The following MARCHF8 variants were observed in gnomAD, a reference collection of about 807,000 sequenced individuals.
MARCHF8 encodes E3 ubiquitin-protein ligase MARCHF8.
In MARCHF8, 40 loss-of-function variants were observed where a neutral mutation model predicts 51.6. That is an observed-to-expected ratio of 0.77 (90% CI 0.60 to 1.01). The LOEUF (loss-of-function observed/expected upper bound fraction) is 1.01. MARCHF8 is among the 50% of genes least tolerant of loss of function. The probability of loss-of-function intolerance (pLI) is 0.00; values close to 1 mark genes in which losing one functional copy is unlikely to be tolerated. For synonymous variants in MARCHF8, 263 were observed against 280.3 expected, an observed-to-expected ratio of 0.94 and a Z score of 0.62; for missense variants, 685 against 708.6, an observed-to-expected ratio of 0.97 and a Z score of 0.38.
intron 1 of MARCHF8, among the ~76,000 whole-genome samples, chr10:45,593,991 G>C (rs531646597): frequency 6.6e-6 from 1 of 152,140 alleles, no homozygotes; most frequent in African/African-American, 2.4e-5. Context: ...GTGATAGTGA[G>C]GCAGAAAAGG....
chr10:45,499,486 G>T (rs1362210838), intron 2 of MARCHF8, among the ~76,000 whole-genome samples: 2 of 151,986 alleles, frequency 1.3e-5, no homozygotes, highest in African/African-American at 4.8e-5. Context: ...TGCTTTTGGT[G>T]TCATATCCAA....
At chr10:45,489,102 G>C (rs1589112149) in intron 3 of MARCHF8, among the ~76,000 whole-genome samples, 2 of 152,246 alleles carry the variant, frequency 1.3e-5, no homozygotes, top group East Asian at 1.9e-4. Context: ...TCCTGTGCCT[G>C]AGATTTCTTC....
At chr10:45,518,666 C>A (rs2043658073) in intron 2 of MARCHF8, among the ~76,000 whole-genome samples, 1 of 152,224 alleles carries the variant, frequency 6.6e-6, no homozygotes, top group Admixed American at 6.5e-5. Context: ...GCTTCCTCAA[C>A]TCCTAACAGA....
At chr10:45,566,627 T>A (rs1454874296) in intron 1 of MARCHF8, among the ~76,000 whole-genome samples, 1 of 152,206 alleles carries the variant, frequency 6.6e-6, no homozygotes, top group Non-Finnish European at 1.5e-5. Context: ...AGCTGAATAG[T>A]AAGTACTCCA....
chr10:45,530,582 G>C (rs2043861718), intron 2 of MARCHF8, among the ~76,000 whole-genome samples: 1 of 152,124 alleles, frequency 6.6e-6, no homozygotes, highest in African/African-American at 2.4e-5. Context: ...AGGAGTTTGA[G>C]ACCAGCCTGG....
chr10:45,578,618 T>G (rs969638381), intron 1 of MARCHF8, among the ~76,000 whole-genome samples: 1 of 152,168 alleles, frequency 6.6e-6, no homozygotes, highest in South Asian at 2.1e-4. Flanking sequence ...TGTCAACAAA[T>G]ATTAACTTCA....
At position 45,545,062 on chromosome 10, in the gene MARCHF8, TCTGACCATC is replaced by T. The variant is rs535707190; in HGVS notation, c.-78-11782_-78-11774del. Among the ~76,000 whole-genome samples the T allele has an allele frequency of 1.2e-4, 18 of 152,310 alleles. No homozygotes were observed. In the East Asian group the frequency reaches 3.3e-3, roughly 28 times the overall value. ...GGGCTAACTAACTCTTCCTCAACCA[TCTGACCATC>T]CTGACAGAGGAAATTCCACATTCAT... On this transcript the variant is annotated intron_variant, in intron 1 of 6. Transcript: ENST00000319836.
At chr10:45,488,173 TC>T (rs1441699733) in intron 3 of MARCHF8, among the ~76,000 whole-genome samples, 2 of 152,120 alleles carry the variant, frequency 1.3e-5, no homozygotes, top group Non-Finnish European at 2.9e-5. Flanking sequence ...GATGGCTGAT[TC>T]ACTTCCCAAG....
At chr10:45,461,995 T>C (rs1220269887) in intron 5 of MARCHF8, 1 of 152,210 alleles carries the variant, frequency 6.6e-6, no homozygotes. Flanking sequence ...GGACCACTAA[T>C]AGCAATAAGT....
At chr10:45,507,182 T>C (rs2043401242) in intron 2 of MARCHF8, among the ~76,000 whole-genome samples, 1 of 152,146 alleles carries the variant, frequency 6.6e-6, no homozygotes, top group Admixed American at 6.5e-5. Context: ...ACTAGAACAA[T>C]GGTGGCAGGC....
At chr10:45,480,474 G>A (rs890027393) in intron 3 of MARCHF8, among the ~76,000 whole-genome samples, 5 of 151,056 alleles carry the variant, frequency 3.3e-5, no homozygotes, top group Non-Finnish European at 7.4e-5. Context: ...CAGAGGACTA[G>A]GAGGAAAAAA....
intron 2 of MARCHF8, among the ~76,000 whole-genome samples, chr10:45,518,979 A>G (rs2043663755): frequency 6.6e-6 from 1 of 152,226 alleles, no homozygotes. Context: ...GTGTTACAAA[A>G]GAAGTAACAA....
intron 3 of MARCHF8, among the ~76,000 whole-genome samples, chr10:45,468,368 C>G (rs1471483836): frequency 1.3e-5 from 2 of 152,238 alleles, no homozygotes; most frequent in Non-Finnish European, 2.9e-5. Context: ...AGCGCACCTT[C>G]CTTGGCCTCT....
chr10:45,489,968 C>A (rs2043053511), intron 2 of MARCHF8, among the ~76,000 whole-genome samples: 1 of 152,216 alleles, frequency 6.6e-6, no homozygotes, highest in Non-Finnish European at 1.5e-5. Flanking sequence ...GCAGGGAAAT[C>A]TGGGAGCCAT....
At chr10:45,489,134 C>G (rs532820820) in intron 3 of MARCHF8, among the ~76,000 whole-genome samples, 2 of 152,252 alleles carry the variant, frequency 1.3e-5, no homozygotes, top group African/African-American at 4.8e-5. Flanking sequence ...ATATGGTTTT[C>G]TGGAAAAAAT....
At chr10:45,568,738 AC>A (rs1412551990) in intron 1 of MARCHF8, among the ~76,000 whole-genome samples, 13 of 134,310 alleles carry the variant, frequency 9.7e-5, no homozygotes, top group African/African-American at 3.3e-4. Context: ...AAAAAAAAAA[AC>A]CACTAACACT....
At chr10:45,479,971 T>C (rs949167913) in intron 3 of MARCHF8, among the ~76,000 whole-genome samples, 1 of 152,216 alleles carries the variant, frequency 6.6e-6, no homozygotes, top group Non-Finnish European at 1.5e-5. Context: ...CCTAGACATT[T>C]GTTGAATGGC....
At chr10:45,530,927 T>C (rs2043871281) in intron 2 of MARCHF8, among the ~76,000 whole-genome samples, 1 of 152,032 alleles carries the variant, frequency 6.6e-6, no homozygotes, top group African/African-American at 2.4e-5. Flanking sequence ...AAAAGTTGCA[T>C]AGAGACATGG....
At chr10:45,593,457 C>G (rs767041012) in intron 1 of MARCHF8, 7 of 152,212 alleles carry the variant, frequency 4.6e-5, no homozygotes, top group Non-Finnish European at 1.0e-4. Context: ...TCCAGGGTCT[C>G]AAGATTTCAC....
Sources: gnomAD v4.1 joint callset for allele counts (sites outside exome capture counted in the v4.1 genomes callset) on GRCh38, gnomAD v4.1.1 for gene constraint, MANE v1.5 for transcripts, NCBI Gene and HGNC (gene_info 2026-07-23, HGNC 2026-07-21) for gene names.